Variants in STAC observed in about 807,000 individuals in gnomAD.
STAC encodes SH3 and cysteine rich domain.
Under a neutral mutation model 48.8 loss-of-function variants are expected in STAC, and 43 were observed. The observed-to-expected ratio is 0.88, with a 90% CI of 0.69 to 1.14. The LOEUF (loss-of-function observed/expected upper bound fraction) is 1.14, where lower values mean the gene tolerates loss of function less well. Among genes scored for constraint, STAC ranks in the 50% most tolerant of loss-of-function variants. The pLI is 0.00. For synonymous variants in STAC, 193 were observed against 179.5 expected, an observed-to-expected ratio of 1.07 and a Z score of -0.60; for missense variants, 497 against 504.0, an observed-to-expected ratio of 0.99 and a Z score of 0.13.
At chr3:36,398,303 G>GAA (rs1255850087) in intron 1 of STAC, among the ~76,000 whole-genome samples, 1 of 97,154 alleles carries the variant, frequency 1.0e-5, no homozygotes, top group Non-Finnish European at 2.0e-5. Flanking sequence ...AAAAAAGAAA[G>GAA]AAAGAAAGAA....
intron 1 of STAC, among the ~76,000 whole-genome samples, chr3:36,418,497 A>G (rs1025068719): frequency 2.0e-5 from 3 of 152,056 alleles, no homozygotes; most frequent in African/African-American, 7.2e-5. Flanking sequence ...TTAATCATCT[A>G]TTCTGAGGAA....
chr3:36,502,326 T>C (rs1698300510), intron 6 of STAC, among the ~76,000 whole-genome samples: 1 of 152,226 alleles, frequency 6.6e-6, no homozygotes, highest in Non-Finnish European at 1.5e-5. Flanking sequence ...TTTCGGTAGT[T>C]ACCTTTCTTT....
chr3:36,380,717 C>A lies in STAC; in HGVS notation c.74C>A (p.Pro25Gln), dbSNP rs139848906. 8 of 1,611,982 alleles carry A rather than the reference C, an allele frequency of 5.0e-6. No individual in the cohort carries two copies. In the South Asian group the frequency reaches 7.7e-5, roughly 16 times the overall value. The change falls in exon 1 of 11, where the codon CCG becomes CAG. Residue 25 changes from proline to glutamine, a missense_variant. Coordinates refer to ENST00000273183, the MANE Select transcript of STAC (RefSeq NM_003149.3). Reference sequence around the variant, plus strand: ...AAGGAGGCGGTGGGCGCCGAGCAACCGCCCTCTCCTGCATCCACCAGCAGC... The same window carrying A: ...AAGGAGGCGGTGGGCGCCGAGCAACAGCCCTCTCCTGCATCCACCAGCAGC... ...LPKEAVGAEQ[P>Q]PSPASTSSQE...
chr3:36,429,643 G>A (rs1169929726), intron 1 of STAC, among the ~76,000 whole-genome samples: 1 of 152,148 alleles, frequency 6.6e-6, no homozygotes, highest in Non-Finnish European at 1.5e-5. Flanking sequence ...GGCCACCATG[G>A]TAGCTCTTCA....
chr3:36,506,820 T>G (rs1187444181), intron 8 of STAC, among the ~76,000 whole-genome samples: 1 of 152,226 alleles, frequency 6.6e-6, no homozygotes, highest in Non-Finnish European at 1.5e-5. Flanking sequence ...TAAGGAGATT[T>G]TGGGCTAAGA....
At chr3:36,485,671 G>A (rs1697789778) in intron 4 of STAC, 2 of 152,236 alleles carry the variant, frequency 1.3e-5, no homozygotes. Flanking sequence ...TTTTTTTAGG[G>A]GGGGCAAGTT....
chr3:36,510,766 A>G (rs867486579), intron 8 of STAC, among the ~76,000 whole-genome samples: 2 of 152,140 alleles, frequency 1.3e-5, no homozygotes, highest in Admixed American at 6.5e-5. Context: ...ATGAGAACAC[A>G]TGGACACAGG....
At chr3:36,485,496 A>G (rs1265615173) in intron 4 of STAC, among the ~76,000 whole-genome samples, 1 of 152,214 alleles carries the variant, frequency 6.6e-6, no homozygotes, top group African/African-American at 2.4e-5. Context: ...TAGGTTATTC[A>G]CCCATGCTTA....
chr3:36,403,891 C>G (rs1330096373), intron 1 of STAC, among the ~76,000 whole-genome samples: 2 of 152,128 alleles, frequency 1.3e-5, no homozygotes, highest in Non-Finnish European at 2.9e-5. Context: ...ATCAACATGT[C>G]TCCCAAAAGA....
At chr3:36,507,124 C>T (rs1698421792) in intron 8 of STAC, among the ~76,000 whole-genome samples, 1 of 152,072 alleles carries the variant, frequency 6.6e-6, no homozygotes, top group South Asian at 2.1e-4. Context: ...GAGTTTTTAG[C>T]ATGAAGGGGT....
intron 2 of STAC, among the ~76,000 whole-genome samples, chr3:36,449,399 T>C (rs1696619575): frequency 6.6e-6 from 1 of 152,190 alleles, no homozygotes; most frequent in Admixed American, 6.5e-5. Context: ...CTCCTTAATA[T>C]ACATAATTCA....
chr3:36,449,181 G>C (rs966019717), intron 2 of STAC, among the ~76,000 whole-genome samples: 1 of 152,058 alleles, frequency 6.6e-6, no homozygotes, highest in African/African-American at 2.4e-5. Flanking sequence ...TAAACTATGT[G>C]CTTGGAAAAT....
intron 8 of STAC, among the ~76,000 whole-genome samples, chr3:36,524,379 G>T (rs1177130229): frequency 1.3e-5 from 2 of 152,088 alleles, no homozygotes; most frequent in Non-Finnish European, 2.9e-5. Flanking sequence ...AGATCATGAG[G>T]TCAGGAGTTC....
chr3:36,452,313 A>G (rs1696706276), intron 2 of STAC, among the ~76,000 whole-genome samples: 1 of 152,210 alleles, frequency 6.6e-6, no homozygotes, highest in South Asian at 2.1e-4. Context: ...TGCTATTTAT[A>G]ATTGCCTTTT....
intron 6 of STAC, among the ~76,000 whole-genome samples, chr3:36,494,542 C>T (rs183897676): frequency 2.0e-5 from 3 of 152,312 alleles, no homozygotes; most frequent in African/African-American, 7.2e-5. Context: ...TCATTTATGG[C>T]TCTTCTTTAG....
At chr3:36,463,283 G>A (rs914900337) in intron 2 of STAC, among the ~76,000 whole-genome samples, 1 of 151,700 alleles carries the variant, frequency 6.6e-6, no homozygotes, top group African/African-American at 2.4e-5. Flanking sequence ...TTTTGGCAGG[G>A]GTTCCTGAAA....
At chr3:36,544,632 T>C (rs1699404036) in intron 10 of STAC, among the ~76,000 whole-genome samples, 2 of 152,200 alleles carry the variant, frequency 1.3e-5, no homozygotes, top group Admixed American at 6.5e-5. Flanking sequence ...CATGTATTTA[T>C]TTATTTATTT....
intron 2 of STAC, among the ~76,000 whole-genome samples, chr3:36,468,931 T>C (rs191822282): frequency 6.6e-6 from 1 of 152,222 alleles, no homozygotes; most frequent in African/African-American, 2.4e-5. Context: ...TGGTGTCCAA[T>C]TGCATGTAAA....
rs56887780 is a variant in STAC at position 36,393,030 on chromosome 3, C to T, written c.111+12276C>T. On this transcript the variant is annotated intron_variant, in intron 1 of 10. Transcript: ENST00000273183. ...CACCCTCTTCCATATCAGCCACCCA[C>T]TTCCATGAGCATTCCCAAGACTTCA... Among the ~76,000 whole-genome samples, 613 of 152,306 alleles carry T rather than the reference C, an allele frequency of 4.0e-3. 5 individuals are homozygous for T. Among genetic ancestry groups the T allele is most frequent in the African/African-American group, 0.013 (539 of 41,564 alleles).
Sources: allele counts gnomAD v4.1 joint callset (sites outside exome capture counted in the v4.1 genomes callset), GRCh38; gene constraint gnomAD v4.1.1; transcripts MANE v1.5; gene names NCBI Gene and HGNC (gene_info 2026-07-23, HGNC 2026-07-21).